Variants in KIAA1217 observed in about 807,000 individuals in gnomAD.
KIAA1217 encodes sickle tail protein homolog.
Under a neutral mutation model 163.9 loss-of-function variants are expected in KIAA1217, and 88 were observed. The observed-to-expected ratio is 0.54, with a 90% confidence interval of 0.45 to 0.64. The LOEUF is 0.64. KIAA1217 is among the 30% of genes least tolerant of loss of function. KIAA1217 has a pLI of 0.00. For synonymous variants in KIAA1217, 903 were observed against 923.1 expected, an observed-to-expected ratio of 0.98 and a Z score of 0.39; for missense variants, 2,372 against 2,475.0, an observed-to-expected ratio of 0.96 and a Z score of 0.88.
chr10:24,520,095 C>T (rs1336102184), intron 10 of KIAA1217, 28 bp from the exon 11 acceptor site: 1 of 1,609,192 alleles, frequency 6.2e-7, no homozygotes. Flanking sequence ...GTGTTCAGCT[C>T]TATGTGCTGG....
intron 8 of KIAA1217, among the ~76,000 whole-genome samples, chr10:24,498,675 G>A (rs2067129176): frequency 6.6e-6 from 1 of 152,096 alleles, no homozygotes; most frequent in African/African-American, 2.4e-5. Context: ...AAAAATATTA[G>A]CCAGATGTGG....
At chr10:23,868,052 T>C (rs2131153421) in intron 1 of KIAA1217, among the ~76,000 whole-genome samples, 1 of 152,226 alleles carries the variant, frequency 6.6e-6, no homozygotes, top group Non-Finnish European at 1.5e-5. Flanking sequence ...GGGATCCAGT[T>C]TCAGGTTTCT....
intron 2 of KIAA1217, among the ~76,000 whole-genome samples, chr10:24,161,947 C>A (rs982356753): frequency 5.3e-5 from 8 of 152,132 alleles, no homozygotes; most frequent in African/African-American, 1.9e-4. Context: ...CTTTATGAAT[C>A]TGATGAGCTC....
intron 2 of KIAA1217, among the ~76,000 whole-genome samples, chr10:24,287,561 A>G (rs1368333409): frequency 2.0e-5 from 3 of 152,260 alleles, no homozygotes; most frequent in Admixed American, 6.5e-5. Context: ...TCATTATAAA[A>G]AATACTATGT....
intron 2 of KIAA1217, among the ~76,000 whole-genome samples, chr10:24,009,637 C>T (rs1564607906): frequency 6.6e-6 from 1 of 152,084 alleles, no homozygotes; most frequent in Non-Finnish European, 1.5e-5. Context: ...TGGTTATCCC[C>T]ACTTACACAC....
chr10:24,110,613 A>C (rs928410911), intron 2 of KIAA1217, among the ~76,000 whole-genome samples: 1 of 152,126 alleles, frequency 6.6e-6, no homozygotes, highest in African/African-American at 2.4e-5. Context: ...AAAAAAAAAA[A>C]AAAACTCAAA....
intron 2 of KIAA1217, among the ~76,000 whole-genome samples, chr10:24,008,875 T>C (rs1033452936): frequency 3.3e-5 from 5 of 152,174 alleles, no homozygotes; most frequent in African/African-American, 4.8e-5. Context: ...TTTAAAGAGC[T>C]AGGCTAAACT....
At chr10:24,307,719 C>A (rs529679274) in intron 2 of KIAA1217, among the ~76,000 whole-genome samples, 1 of 152,044 alleles carries the variant, frequency 6.6e-6, no homozygotes, top group African/African-American at 2.4e-5. Context: ...GAGGTCGGGG[C>A]TACATTGAGC....
intron 1 of KIAA1217, among the ~76,000 whole-genome samples, chr10:23,833,009 C>T (rs941855617): frequency 1.3e-5 from 2 of 152,048 alleles, no homozygotes; most frequent in Non-Finnish European, 2.9e-5. Context: ...CCCACCCGGT[C>T]CCTCCCACAA....
intron 10 of KIAA1217, among the ~76,000 whole-genome samples, chr10:24,519,121 T>C (rs2070678120): frequency 6.6e-6 from 1 of 152,196 alleles, no homozygotes; most frequent in African/African-American, 2.4e-5. Context: ...TGCATTCCTT[T>C]TTCTCTTTCG....
chr10:23,868,378 C>T (rs1840295316), intron 1 of KIAA1217, among the ~76,000 whole-genome samples: 1 of 152,104 alleles, frequency 6.6e-6, no homozygotes, highest in African/African-American at 2.4e-5. Flanking sequence ...CCCAAGGGCA[C>T]AGTGACACTC....
At position 24,273,808 on chromosome 10, in the gene KIAA1217, G is replaced by A. The variant is rs933109111; in HGVS notation, c.354+53899G>A. Among the ~76,000 whole-genome samples, 15 of 150,272 alleles carry A rather than the reference G, an allele frequency of 1.0e-4. 1 individual carries two copies. The highest frequency in any genetic ancestry group is 6.1e-4 in the Admixed American group (9 of 14,874). On this transcript the variant is annotated intron_variant, in intron 2 of 20. Transcript: ENST00000376454. The stretch of plus-strand genomic sequence containing the variant: ...ATGGAGGTTGCAGTGAGCCGAGATC[G>A]TGCCACTGTGTTCTAGCCTGGGCGA...
chr10:24,349,124 C>T (rs1301946001), intron 2 of KIAA1217, among the ~76,000 whole-genome samples: 2 of 131,510 alleles, frequency 1.5e-5, no homozygotes, highest in African/African-American at 3.1e-5. Flanking sequence ...CAGAATAAGA[C>T]CCTGTCTCAA....
At chr10:23,989,066 A>G (rs557426458) in intron 1 of KIAA1217, among the ~76,000 whole-genome samples, 2 of 152,246 alleles carry the variant, frequency 1.3e-5, no homozygotes, top group Admixed American at 6.5e-5. Flanking sequence ...TATTTCATTG[A>G]CTCTTCTGGA....
chr10:24,293,008 C>A (rs16924477), intron 2 of KIAA1217, among the ~76,000 whole-genome samples: 2,504 of 152,172 alleles, frequency 0.016, 65 homozygotes, highest in African/African-American at 0.057. Flanking sequence ...TCAAGATGCA[C>A]CCAAAATGCA....
chr10:24,183,030 G>A (rs1175887018), intron 2 of KIAA1217, among the ~76,000 whole-genome samples: 1 of 152,214 alleles, frequency 6.6e-6, no homozygotes, highest in African/African-American at 2.4e-5. Flanking sequence ...TCTTGTCGTA[G>A]TGAATGAATT....
At chr10:23,965,733 G>A (rs1845039303) in intron 1 of KIAA1217, among the ~76,000 whole-genome samples, 1 of 152,122 alleles carries the variant, frequency 6.6e-6, no homozygotes, top group Non-Finnish European at 1.5e-5. Flanking sequence ...AGAGGGAGTG[G>A]GAATGCTGCC....
chr10:23,768,253 G>A (rs1834628655), intron 1 of KIAA1217, among the ~76,000 whole-genome samples: 1 of 152,196 alleles, frequency 6.6e-6, no homozygotes, highest in Non-Finnish European at 1.5e-5. Context: ...TCAGAGGAGG[G>A]ATAGGAATGA....
intron 1 of KIAA1217, among the ~76,000 whole-genome samples, chr10:23,811,815 T>G (rs1201630559): frequency 2.0e-5 from 3 of 152,160 alleles, no homozygotes; most frequent in Admixed American, 6.6e-5. Context: ...CTCAGGTTTC[T>G]AAACCTGCTT....
Sources: gnomAD v4.1 joint callset for allele counts (sites outside exome capture counted in the v4.1 genomes callset) on GRCh38, gnomAD v4.1.1 for gene constraint, MANE v1.5 for transcripts, NCBI Gene and HGNC (gene_info 2026-07-23, HGNC 2026-07-21) for gene names.